The following MYO1B variants were observed in gnomAD, a reference collection of about 807,000 sequenced individuals.
The protein encoded by MYO1B is myosin IB.
In MYO1B, 72 loss-of-function variants were observed where a neutral mutation model predicts 159.7. The observed-to-expected ratio is 0.45, with a 90% CI of 0.37 to 0.55. The LOEUF is 0.55. Among genes scored for constraint, MYO1B ranks in the 20% least tolerant of loss-of-function variants. The pLI, the probability that MYO1B is intolerant of heterozygous loss-of-function variation, is 0.00. For missense variants in MYO1B, 1,062 were observed against 1,364.8 expected (o/e 0.78, Z 3.50); for synonymous variants, 468 against 473.8 (o/e 0.99, Z 0.16).
chr2:191,412,037 C>G (rs1215063399), intron 27 of MYO1B, among the ~76,000 whole-genome samples: 1 of 152,148 alleles, frequency 6.6e-6, no homozygotes, highest in Admixed American at 6.5e-5. Context: ...TTTAAAATAT[C>G]TTCCTTTTAA....
intron 14 of MYO1B, among the ~76,000 whole-genome samples, chr2:191,381,918 T>A (rs1184591346): frequency 6.6e-6 from 1 of 152,178 alleles, no homozygotes; most frequent in African/African-American, 2.4e-5. Context: ...TTTGAGACTT[T>A]GTTCAATATC....
intron 1 of MYO1B, among the ~76,000 whole-genome samples, chr2:191,264,721 A>G (rs1186007799): frequency 6.6e-6 from 1 of 151,386 alleles, no homozygotes; most frequent in Non-Finnish European, 1.5e-5. Flanking sequence ...GAGTAATGTC[A>G]CTGAGAGAGA....
intron 7 of MYO1B, among the ~76,000 whole-genome samples, chr2:191,355,061 G>A (rs533173139): frequency 2.0e-5 from 3 of 152,296 alleles, no homozygotes; most frequent in African/African-American, 7.2e-5. Context: ...GATACTTGAG[G>A]ATTGTTTATA....
chr2:191,295,137 T>C (rs1317847704), intron 2 of MYO1B, among the ~76,000 whole-genome samples: 1 of 152,200 alleles, frequency 6.6e-6, no homozygotes, highest in Non-Finnish European at 1.5e-5. Flanking sequence ...TCACTTAGTT[T>C]ATCACTTTAC....
At chr2:191,281,771 C>G (rs948713151) in intron 2 of MYO1B, among the ~76,000 whole-genome samples, 2 of 152,190 alleles carry the variant, frequency 1.3e-5, no homozygotes, top group Non-Finnish European at 2.9e-5. Flanking sequence ...GGTGTCTGTT[C>G]TCTGACGAGA....
chr2:191,326,682 A>C (rs1386369822), intron 3 of MYO1B, among the ~76,000 whole-genome samples: 1 of 152,096 alleles, frequency 6.6e-6, no homozygotes, highest in Non-Finnish European at 1.5e-5. Context: ...GAGAAGAAAA[A>C]AATAAGTATT....
At chr2:191,405,225 A>G (rs918235281) in intron 24 of MYO1B, among the ~76,000 whole-genome samples, 1 of 152,188 alleles carries the variant, frequency 6.6e-6, no homozygotes, top group Non-Finnish European at 1.5e-5. Context: ...GTTCATTTCC[A>G]TCTTATCTTG....
intron 2 of MYO1B, among the ~76,000 whole-genome samples, chr2:191,282,523 GA>G (rs1270252450): frequency 2.0e-5 from 3 of 151,454 alleles, no homozygotes; most frequent in Non-Finnish European, 2.9e-5. Flanking sequence ...ATGCTTTTGG[GA>G]AAAAAAAATT....
chr2:191,369,474 A>G, intron 11 of MYO1B, 68 bp from the exon 12 acceptor site: 3 of 1,162,618 alleles, frequency 2.6e-6, no homozygotes, highest in South Asian at 2.7e-5. Flanking sequence ...AAGTATCTTT[A>G]TGATTTTATT....
intron 1 of MYO1B, among the ~76,000 whole-genome samples, chr2:191,275,667 A>AT (rs1490529537): frequency 2.6e-5 from 4 of 152,210 alleles, no homozygotes; most frequent in African/African-American, 9.6e-5. Context: ...CTTTCCACTC[A>AT]TTATCAGTGG....
At chr2:191,392,331 C>G in intron 19 of MYO1B, 130 bp downstream of exon 19, 1 of 582,510 alleles carries the variant, frequency 1.7e-6, no homozygotes. Flanking sequence ...GTGTGTTTAT[C>G]TACAAATAAT....
At chr2:191,382,734 A>G (rs1559218971) in intron 14 of MYO1B, among the ~76,000 whole-genome samples, 2 of 152,236 alleles carry the variant, frequency 1.3e-5, no homozygotes, top group Non-Finnish European at 2.9e-5. Flanking sequence ...GAACCAGTGG[A>G]TAGATTTTCA....
chr2:191,354,254 TTAAATAA>T (rs1267348518), intron 7 of MYO1B, among the ~76,000 whole-genome samples: 3 of 115,530 alleles, frequency 2.6e-5, no homozygotes, highest in African/African-American at 6.5e-5. Context: ...AGACTCCGTC[TTAAATAA>T]TAATAATAAT....
intron 27 of MYO1B, among the ~76,000 whole-genome samples, chr2:191,412,798 T>G (rs1697327259): frequency 1.3e-5 from 2 of 152,188 alleles, no homozygotes; most frequent in Admixed American, 1.3e-4. Flanking sequence ...ATTGATATCT[T>G]AGTGATAAGT....
intron 21 of MYO1B, among the ~76,000 whole-genome samples, chr2:191,397,546 A>T (rs1559233135): frequency 6.6e-6 from 1 of 151,648 alleles, no homozygotes; most frequent in Admixed American, 6.6e-5. Flanking sequence ...AGGCAGAAGA[A>T]TTTTTCTTAG....
At chr2:191,248,411 A>T (rs764443140) in intron 1 of MYO1B, among the ~76,000 whole-genome samples, 1 of 152,350 alleles carries the variant, frequency 6.6e-6, no homozygotes, top group East Asian at 1.9e-4. Context: ...TAATACACTT[A>T]ATCTACCGAA....
chr2:191,392,225 T>C, intron 19 of MYO1B, 24 bp downstream of exon 19: 1 of 1,526,552 alleles, frequency 6.6e-7, no homozygotes, highest in Non-Finnish European at 9.0e-7. Flanking sequence ...ACCTTTACAC[T>C]CTGAACTTAA....
intron 23 of MYO1B, among the ~76,000 whole-genome samples, chr2:191,401,161 A>G (rs1209153711): frequency 2.0e-5 from 3 of 150,146 alleles, no homozygotes; most frequent in African/African-American, 4.9e-5. Flanking sequence ...GCAGTTTTTT[A>G]GAGGTTTTCT....
chr2:191,390,145 G>A, intron 17 of MYO1B, 147 bp from the exon 18 acceptor site: 1 of 717,078 alleles, frequency 1.4e-6, no homozygotes, highest in East Asian at 2.8e-5. Context: ...AAAATGATTT[G>A]AAATAATTTC....
Sources: gnomAD v4.1 joint callset for allele counts (sites outside exome capture counted in the v4.1 genomes callset) on GRCh38, gnomAD v4.1.1 for gene constraint, MANE v1.5 for transcripts, NCBI Gene and HGNC (gene_info 2026-07-23, HGNC 2026-07-21) for gene names.